Variants in POU6F2 observed in about 807,000 individuals in gnomAD.
POU6F2 encodes POU domain, class 6, transcription factor 2.
Under a neutral mutation model 71.3 loss-of-function variants are expected in POU6F2, and 31 were observed. That is an observed-to-expected ratio of 0.43 (90% CI 0.33 to 0.59). The LOEUF is 0.59. POU6F2 is among the 20% of genes least tolerant of loss of function. The pLI is 0.04. For synonymous variants in POU6F2, 347 were observed against 355.7 expected (o/e 0.98, Z 0.27); for missense variants, 783 against 856.8 (o/e 0.91, Z 1.07).
At chr7:39,010,091 A>G (rs1024342900) in intron 1 of POU6F2, among the ~76,000 whole-genome samples, 11 of 117,812 alleles carry the variant, frequency 9.3e-5, no homozygotes, top group Admixed American at 5.4e-4. Flanking sequence ...TAGTTTCAGA[A>G]GGAATGGTAC....
chr7:39,197,629 A>G (rs966166270), intron 2 of POU6F2, among the ~76,000 whole-genome samples: 4 of 152,194 alleles, frequency 2.6e-5, no homozygotes, highest in African/African-American at 9.7e-5. Context: ...GGTGCCTCCT[A>G]GCAATGACCT....
At chr7:39,045,275 C>T (rs2128712780) in intron 1 of POU6F2, among the ~76,000 whole-genome samples, 1 of 152,086 alleles carries the variant, frequency 6.6e-6, no homozygotes. Context: ...GGGATTTTCA[C>T]TCCTACCTTT....
At chr7:39,427,112 C>A (rs1787990233) in intron 6 of POU6F2, among the ~76,000 whole-genome samples, 1 of 152,216 alleles carries the variant, frequency 6.6e-6, no homozygotes, top group Non-Finnish European at 1.5e-5. Context: ...AGTTACCACA[C>A]AAGCATGTAA....
Position 39,468,473 on chromosome 7 carries a change from A to T in POU6F2, c.*3787A>T, listed in dbSNP as rs1789126014. ...ACAGGTTGCTTAATATTTAAAAAAA[A>T]AAAAAACTGTACTTAATCTAGAGCA... On this transcript the variant is annotated 3_prime_UTR_variant, in exon 10 of 10. Coordinates refer to ENST00000518318, the MANE Select transcript of POU6F2 (RefSeq NM_001370959.1). 6.6e-6 allele frequency: 1 copy of T among 152,156 alleles called. No individual in the cohort carries two copies. Among genetic ancestry groups the T allele is most frequent in the African/African-American group, 2.4e-5 (1 of 41,440 alleles). 9.4% of individuals were successfully genotyped at this position (152,156 alleles called of 1,614,324 possible). A position where few individuals can be genotyped will look rare whatever the true frequency, so the allele number is the denominator to read the frequency against.
chr7:39,086,031 G>A lies in POU6F2; in HGVS notation c.277G>A (p.Gly93Arg), dbSNP rs199858565. Residue 93 changes from glycine to arginine, a missense_variant and splice_region_variant, in exon 2 of 10, where the codon GGG becomes AGG. Gly to Arg is a moderately radical substitution (Grantham distance 125, BLOSUM62 -2). This residue lies in a region of POU6F2 where 572 missense variants were observed against 572.9 expected (regional missense o/e 1.00). Coordinates refer to ENST00000518318, the MANE Select transcript of POU6F2 (RefSeq NM_001370959.1). ...CGAGGACACTCCCAGCAAGCTCTTC[G>A]GTAAGTCTGTCTAGGTATTTCATTT... Reference protein sequence around the residue: ...DSEDTPSKLFGARGNPALSDP... With the variant: ...DSEDTPSKLFRARGNPALSDP... The A allele has an allele frequency of 2.5e-5, 41 of 1,613,048 alleles. No homozygotes were observed. Among genetic ancestry groups the A allele is most frequent in the East Asian group, 6.7e-5 (3 of 44,824 alleles).
At chr7:39,294,596 C>G (rs775305087) in intron 4 of POU6F2, among the ~76,000 whole-genome samples, 8 of 151,866 alleles carry the variant, frequency 5.3e-5, no homozygotes, top group South Asian at 2.1e-4. Context: ...GTCCATCTTA[C>G]CTTTGAATTT....
In POU6F2 at chr7:39,165,135, T is replaced by C. The variant is rs73365566; in HGVS notation, c.278-39100T>C. Among the ~76,000 whole-genome samples the C allele has an allele frequency of 7.7e-3, 1,178 of 152,318 alleles. 13 individuals carry two copies. Among genetic ancestry groups the C allele is most frequent in the African/African-American group, 0.027 (1,130 of 41,574 alleles). ...ACTGGCGGCGCACTCAGTGTTTTCA[T>C]AGGACTTTTCCATCCTGGTGATAAT... On this transcript the variant is annotated intron_variant, in intron 2 of 9. Coordinates refer to ENST00000518318, the MANE Select transcript of POU6F2 (RefSeq NM_001370959.1).
chr7:39,065,290 G>A (rs1790733922), intron 1 of POU6F2, among the ~76,000 whole-genome samples: 1 of 151,330 alleles, frequency 6.6e-6, no homozygotes, highest in South Asian at 2.1e-4. Flanking sequence ...ATAACTGTTG[G>A]GTCAAAGAAT....
intron 1 of POU6F2, among the ~76,000 whole-genome samples, chr7:39,012,836 C>T (rs1347134293): frequency 1.3e-5 from 2 of 152,046 alleles, no homozygotes; most frequent in South Asian, 2.1e-4. Context: ...TTAGGCTGCT[C>T]AGGGGTCAGG....
intron 4 of POU6F2, among the ~76,000 whole-genome samples, chr7:39,309,304 G>C (rs1327021484): frequency 6.6e-6 from 1 of 152,192 alleles, no homozygotes; most frequent in East Asian, 1.9e-4. Flanking sequence ...TGTCACGCTG[G>C]GTAGACTGAG....
chr7:39,438,511 C>T (rs991760018), intron 7 of POU6F2, among the ~76,000 whole-genome samples: 4 of 152,136 alleles, frequency 2.6e-5, no homozygotes, highest in Admixed American at 6.5e-5. Context: ...AATGAGATAC[C>T]ATCTCACACC....
At chr7:39,088,864 G>T (rs1791308452) in intron 2 of POU6F2, among the ~76,000 whole-genome samples, 1 of 152,166 alleles carries the variant, frequency 6.6e-6, no homozygotes, top group African/African-American at 2.4e-5. Context: ...TTCCCTCACA[G>T]TATGGTACCT....
At chr7:39,127,103 G>T (rs1051450647) in intron 2 of POU6F2, among the ~76,000 whole-genome samples, 1 of 152,110 alleles carries the variant, frequency 6.6e-6, no homozygotes. Flanking sequence ...GTATTCATTA[G>T]ATAAAAATGT....
intron 1 of POU6F2, among the ~76,000 whole-genome samples, chr7:39,067,577 T>A (rs776969164): frequency 2.6e-5 from 4 of 152,074 alleles, no homozygotes; most frequent in Non-Finnish European, 4.4e-5. Context: ...CTCAATGTCA[T>A]CATCAATAAA....
At chr7:39,311,398 T>A (rs553493451) in intron 4 of POU6F2, among the ~76,000 whole-genome samples, 2 of 152,240 alleles carry the variant, frequency 1.3e-5, no homozygotes, top group East Asian at 3.9e-4. Flanking sequence ...ATCACACTGA[T>A]CACCTTTTTA....
intron 2 of POU6F2, among the ~76,000 whole-genome samples, chr7:39,135,311 C>T (rs1792368468): frequency 6.6e-6 from 1 of 152,178 alleles, no homozygotes; most frequent in African/African-American, 2.4e-5. Flanking sequence ...GGGTCCAGCA[C>T]TGGACAAATT....
intron 1 of POU6F2, chr7:39,006,895 AC>A (rs1562665458): frequency 6.2e-7 from 1 of 1,607,794 alleles, no homozygotes; most frequent in South Asian, 1.1e-5. Flanking sequence ...CAGAATGCCT[AC>A]CAATAGGAAA....
chr7:39,173,172 C>T (rs186026968), intron 2 of POU6F2, among the ~76,000 whole-genome samples: 10 of 152,310 alleles, frequency 6.6e-5, no homozygotes, highest in East Asian at 1.9e-4. Context: ...AATGGACCTA[C>T]GCATTCTATA....
Position 39,104,239 on chromosome 7 carries a change from C to T in POU6F2, c.277+18208C>T, listed in dbSNP as rs145283354. Among the ~76,000 whole-genome samples the T allele has an allele frequency of 2.2e-3, 337 of 152,350 alleles. 2 individuals are homozygous for T. The highest frequency in any genetic ancestry group is 7.6e-3 in the African/African-American group (315 of 41,590). On this transcript the variant is annotated intron_variant, in intron 2 of 9. Coordinates refer to ENST00000518318, the MANE Select transcript of POU6F2 (RefSeq NM_001370959.1). The stretch of plus-strand genomic sequence containing the variant: ...GTTGCTCCCATTATTTATTGCTGCA[C>T]TAAAACCCACTCCAGAACACAGAGG...
Sources: gnomAD v4.1 joint callset for allele counts (sites outside exome capture counted in the v4.1 genomes callset) on GRCh38, gnomAD v4.1.1 for gene constraint, gnomAD v4.1.1 regional missense constraint, MANE v1.5 for transcripts, NCBI Gene and HGNC (gene_info 2026-07-23, HGNC 2026-07-21) for gene names.